CSMD3: variants seen among roughly 807,000 people sequenced by gnomAD.
CSMD3 encodes the protein CUB and sushi domain-containing protein 3.
A neutral mutation model predicts 435.2 loss-of-function variants in CSMD3; 177 were observed. That is an observed-to-expected ratio of 0.41 (90% CI 0.36 to 0.46). CSMD3 has a LOEUF of 0.46. Among genes scored for constraint, CSMD3 ranks in the 20% least tolerant of loss-of-function variants. The pLI, the probability that CSMD3 is intolerant of heterozygous loss-of-function variation, is 0.34. For missense variants in CSMD3, 4,265 were observed against 4,504.6 expected (o/e 0.95, Z 1.52); for synonymous variants, 1,656 against 1,520.5 (o/e 1.09, Z -2.07).
At chr8:112,269,166 T>C (rs1454311228) in intron 59 of CSMD3, among the ~76,000 whole-genome samples, 1 of 152,350 alleles carries the variant, frequency 6.6e-6, no homozygotes, top group African/African-American at 2.4e-5. Context: ...TTATTTTTTA[T>C]CTGCGCTCAG....
intron 1 of CSMD3, among the ~76,000 whole-genome samples, chr8:113,402,747 A>T (rs565649762): frequency 2.6e-5 from 4 of 151,458 alleles, no homozygotes; most frequent in South Asian, 4.1e-4. Flanking sequence ...TGCATTATTA[A>T]TATTAAAATA....
chr8:112,228,279 G>A (rs1051707602), intron 70 of CSMD3, among the ~76,000 whole-genome samples: 3 of 152,124 alleles, frequency 2.0e-5, no homozygotes, highest in African/African-American at 7.2e-5. Flanking sequence ...AGCAACAGAA[G>A]ATGAATGAGA....
chr8:113,125,728 T>A (rs569404597), intron 4 of CSMD3, among the ~76,000 whole-genome samples: 1 of 151,926 alleles, frequency 6.6e-6, no homozygotes, highest in Admixed American at 6.6e-5. Context: ...AGACTGAGCA[T>A]TGGATATTGG....
chr8:112,851,647 C>G (rs2080491652), intron 11 of CSMD3, among the ~76,000 whole-genome samples: 1 of 151,782 alleles, frequency 6.6e-6, no homozygotes, highest in Non-Finnish European at 1.5e-5. Context: ...GCCTGTAATC[C>G]CAGCTACTCA....
At chr8:113,100,759 A>G (rs2090305197) in intron 4 of CSMD3, among the ~76,000 whole-genome samples, 1 of 152,188 alleles carries the variant, frequency 6.6e-6, no homozygotes, top group Non-Finnish European at 1.5e-5. Context: ...AATATACATT[A>G]CTTTTGTCTG....
At chr8:113,141,598 TCA>T (rs2091550232) in intron 4 of CSMD3, among the ~76,000 whole-genome samples, 3 of 150,944 alleles carry the variant, frequency 2.0e-5, no homozygotes, top group African/African-American at 7.3e-5. Flanking sequence ...TATAATAATA[TCA>T]GTTAATGCAA....
intron 4 of CSMD3, among the ~76,000 whole-genome samples, chr8:113,128,712 T>C (rs985094472): frequency 5.3e-5 from 8 of 152,098 alleles, no homozygotes; most frequent in Non-Finnish European, 1.0e-4. Flanking sequence ...TATTTGAGTA[T>C]ATAAACCAGT....
chr8:113,284,122 A>T (rs573627321), intron 2 of CSMD3, among the ~76,000 whole-genome samples: 1 of 152,076 alleles, frequency 6.6e-6, no homozygotes, highest in African/African-American at 2.4e-5. Flanking sequence ...GAACACAGAT[A>T]TAGTACAGTA....
intron 5 of CSMD3, among the ~76,000 whole-genome samples, chr8:113,039,265 A>G (rs2087497073): frequency 6.6e-6 from 1 of 152,178 alleles, no homozygotes; most frequent in Non-Finnish European, 1.5e-5. Flanking sequence ...ACATTTAAAC[A>G]TAAGTATTTA....
At chr8:112,354,748 A>G (rs1228348882) in intron 38 of CSMD3, among the ~76,000 whole-genome samples, 2 of 152,226 alleles carry the variant, frequency 1.3e-5, no homozygotes, top group Non-Finnish European at 2.9e-5. Flanking sequence ...TGGAAGAATC[A>G]ATATTGTTAA....
rs542632206 is a variant in CSMD3 at position 113,289,579 on chromosome 8, AG to A, written c.402-10876del. 3.5e-3 allele frequency among the ~76,000 whole-genome samples: 533 copies of A among 151,494 alleles called. 2 individuals carry two copies. The highest frequency in any genetic ancestry group is 0.012 in the African/African-American group (497 of 41,404). The stretch of plus-strand genomic sequence containing the variant: ...CAGAGAGAGAGAGAGAGAGAGAGAG[AG>A]AGAGAGAGAAATACATCTGTGTCTT... On this transcript the variant is annotated intron_variant, in intron 2 of 70. Transcript: ENST00000297405.
chr8:112,299,361 G>C (rs1237341645), intron 53 of CSMD3, among the ~76,000 whole-genome samples: 1 of 151,920 alleles, frequency 6.6e-6, no homozygotes, highest in Non-Finnish European at 1.5e-5. Flanking sequence ...AAATTTTGCC[G>C]AGTTTAAAAA....
At chr8:112,613,630 A>C (rs1833435498) in intron 22 of CSMD3, among the ~76,000 whole-genome samples, 4 of 152,176 alleles carry the variant, frequency 2.6e-5, no homozygotes. Flanking sequence ...TTGCAAGAGA[A>C]ATACTATGGA....
At chr8:112,946,813 T>C (rs563507577) in intron 9 of CSMD3, among the ~76,000 whole-genome samples, 1 of 151,768 alleles carries the variant, frequency 6.6e-6, no homozygotes, top group South Asian at 2.1e-4. Flanking sequence ...ATTACAATTG[T>C]GTTTGTGTGG....
At chr8:112,479,127 A>C (rs1290985137) in intron 31 of CSMD3, among the ~76,000 whole-genome samples, 2 of 152,208 alleles carry the variant, frequency 1.3e-5, no homozygotes, top group Non-Finnish European at 2.9e-5. Context: ...ACTATAACAA[A>C]GGCAAGCTGG....
intron 38 of CSMD3, among the ~76,000 whole-genome samples, chr8:112,358,547 T>C (rs1826864279): frequency 6.6e-6 from 1 of 152,146 alleles, no homozygotes; most frequent in Non-Finnish European, 1.5e-5. Flanking sequence ...AGCAAGTCTT[T>C]CCCATGCTGT....
chr8:112,529,485 G>C (rs1394831026), intron 27 of CSMD3, among the ~76,000 whole-genome samples: 1 of 152,138 alleles, frequency 6.6e-6, no homozygotes, highest in Non-Finnish European at 1.5e-5. Flanking sequence ...TACTCAGAAG[G>C]CTGAGGCAGA....
At chr8:112,972,314 T>C (rs571934006) in intron 7 of CSMD3, among the ~76,000 whole-genome samples, 1 of 151,950 alleles carries the variant, frequency 6.6e-6, no homozygotes, top group Non-Finnish European at 1.5e-5. Flanking sequence ...AACGGACCTA[T>C]GCTATAGTAA....
chr8:112,699,957 C>A (rs1258847272), intron 13 of CSMD3, among the ~76,000 whole-genome samples: 1 of 151,450 alleles, frequency 6.6e-6, no homozygotes, highest in African/African-American at 2.4e-5. Flanking sequence ...AAAACATACA[C>A]GTGTGTGTGT....
Sources: gnomAD v4.1 joint callset for allele counts (sites outside exome capture counted in the v4.1 genomes callset) on GRCh38, gnomAD v4.1.1 for gene constraint, MANE v1.5 for transcripts, NCBI Gene and HGNC (gene_info 2026-07-23, HGNC 2026-07-21) for gene names.